The following DIAPH1 variants were observed in gnomAD, a reference collection of about 807,000 sequenced individuals.
DIAPH1 encodes protein diaphanous homolog 1.
DIAPH1 carries 46 observed loss-of-function variants against 140.7 expected under a neutral mutation model. The ratio of observed to expected loss-of-function variants is 0.33; its 90% CI spans 0.26 to 0.42. The LOEUF (loss-of-function observed/expected upper bound fraction) is 0.42, where lower values mean the gene tolerates loss of function less well. Ranked by LOEUF, DIAPH1 falls within the 10% of genes least tolerant of loss-of-function variation. The pLI, the probability that DIAPH1 is intolerant of heterozygous loss-of-function variation, is 1.00. For synonymous variants in DIAPH1, 565 were observed against 551.6 expected (o/e 1.02, Z -0.34); for missense variants, 1,310 against 1,558.7 (o/e 0.84, Z 2.69).
intron 8 of DIAPH1, among the ~76,000 whole-genome samples, chr5:141,579,719 G>A (rs575117274): frequency 2.4e-4 from 37 of 152,232 alleles, no homozygotes; most frequent in African/African-American, 8.9e-4. Flanking sequence ...GGAGGCCGAG[G>A]CGGGCGGATC....
At chr5:141,518,930 T>C (rs1159060693) in intron 27 of DIAPH1, 2 of 1,550,572 alleles carry the variant, frequency 1.3e-6, no homozygotes, top group East Asian at 2.4e-5. Flanking sequence ...ACACGCAGCA[T>C]GCACACAGGT....
chr5:141,553,128 C>T (rs2099891998), intron 18 of DIAPH1, among the ~76,000 whole-genome samples: 4 of 152,016 alleles, frequency 2.6e-5, no homozygotes, highest in Admixed American at 2.6e-4. Context: ...CCTGTCTCTA[C>T]TAAAGATACA....
At chr5:141,601,849 T>C (rs1200504861) in intron 1 of DIAPH1, among the ~76,000 whole-genome samples, 5 of 152,214 alleles carry the variant, frequency 3.3e-5, no homozygotes, top group Non-Finnish European at 2.9e-5. Flanking sequence ...TTGTTACGAA[T>C]AGCTCAGTAA....
intron 24 of DIAPH1, 115 bp from the exon 25 acceptor site, chr5:141,526,576 C>T: frequency 7.7e-7 from 1 of 1,292,782 alleles, no homozygotes; most frequent in Non-Finnish European, 1.1e-6. Flanking sequence ...CAATACAGCA[C>T]TGTTTATAAC....
At chr5:141,611,693 G>C (rs1010199791) in intron 1 of DIAPH1, among the ~76,000 whole-genome samples, 1 of 152,208 alleles carries the variant, frequency 6.6e-6, no homozygotes, top group African/African-American at 2.4e-5. Flanking sequence ...GCAAAATCTT[G>C]AACAGATTCT....
intron 18 of DIAPH1, among the ~76,000 whole-genome samples, chr5:141,570,451 T>C (rs1186510916): frequency 6.6e-6 from 1 of 152,098 alleles, no homozygotes; most frequent in Non-Finnish European, 1.5e-5. Context: ...TTGACCTGAA[T>C]GACAGGGCAA....
chr5:141,574,909 C>T, intron 15 of DIAPH1, 58 bp downstream of exon 15: 3 of 1,599,140 alleles, frequency 1.9e-6, no homozygotes, highest in South Asian at 1.1e-5. Context: ...GACTCCTGTT[C>T]CAAGCCATGT....
chr5:141,579,098 A>G lies in DIAPH1; in HGVS notation c.923T>C (p.Ile308Thr). 2.5e-6 allele frequency: 4 copies of G among 1,613,610 alleles called. No individual in the cohort carries two copies. The highest frequency in any genetic ancestry group is 3.4e-6 in the Non-Finnish European group (4 of 1,179,490). Reference sequence around the variant, plus strand: ...AGGGGATATACATGCCTTCAGTGCAATAGTGGTTCCACTTTTTAATCCATC... The same window carrying G: ...AGGGGATATACATGCCTTCAGTGCAGTAGTGGTTCCACTTTTTAATCCATC... ...LLDGLKSGTTIALKVGCLQLI... is the reference protein window; with the variant it reads ...LLDGLKSGTTTALKVGCLQLI... The change falls in exon 9 of 28, where the codon ATT becomes ACT. Residue 308 changes from isoleucine (I) to threonine (T), a missense_variant. By Grantham distance (89) the Ile-to-Thr change is moderately conservative. Coordinates refer to ENST00000389054, the MANE Select transcript of DIAPH1 (RefSeq NM_005219.5).
At chr5:141,543,793 C>CA (rs2099890370) in intron 18 of DIAPH1, among the ~76,000 whole-genome samples, 1 of 151,924 alleles carries the variant, frequency 6.6e-6, no homozygotes, top group Admixed American at 6.6e-5. Flanking sequence ...TGTACACACA[C>CA]AAAAAATGGG....
chr5:141,522,241 A>T (rs1273846005), intron 27 of DIAPH1, among the ~76,000 whole-genome samples: 1 of 152,218 alleles, frequency 6.6e-6, no homozygotes, highest in Non-Finnish European at 1.5e-5. Flanking sequence ...GAGCCACTTA[A>T]AATATATGTA....
intron 11 of DIAPH1, 86 bp from the exon 12 acceptor site, chr5:141,577,677 GA>G: frequency 1.2e-6 from 1 of 868,936 alleles, no homozygotes; most frequent in Admixed American, 1.7e-5. Context: ...AAAAGCTAGG[GA>G]AAAGTAGCAA....
At chr5:141,555,124 C>G (rs1045466417) in intron 18 of DIAPH1, among the ~76,000 whole-genome samples, 1 of 152,218 alleles carries the variant, frequency 6.6e-6, no homozygotes, top group Admixed American at 6.5e-5. Flanking sequence ...AAGATACACA[C>G]ACACGTCCCC....
At chr5:141,591,198 T>C (rs1460965430) in intron 1 of DIAPH1, among the ~76,000 whole-genome samples, 1 of 152,114 alleles carries the variant, frequency 6.6e-6, no homozygotes, top group Admixed American at 6.6e-5. Context: ...TCAGCCTAGA[T>C]TGTGCTTTCA....
intron 1 of DIAPH1, among the ~76,000 whole-genome samples, chr5:141,617,884 AG>A (rs2099902933): frequency 6.6e-6 from 1 of 152,254 alleles, no homozygotes; most frequent in South Asian, 2.1e-4. Flanking sequence ...ACTCTTCTAC[AG>A]GCACGCAAAG....
chr5:141,558,860 C>G (rs1293684204), intron 18 of DIAPH1, among the ~76,000 whole-genome samples: 2 of 151,660 alleles, frequency 1.3e-5, no homozygotes, highest in Non-Finnish European at 2.9e-5. Context: ...TCCAACGTCC[C>G]TAAAGTGAGA....
chr5:141,525,185 A>T (rs1395762066), intron 26 of DIAPH1, among the ~76,000 whole-genome samples: 1 of 152,172 alleles, frequency 6.6e-6, no homozygotes, highest in Non-Finnish European at 1.5e-5. Flanking sequence ...AGAAAAGTAT[A>T]AAAAGTCCCT....
chr5:141,592,172 G>A (rs1227505360), intron 1 of DIAPH1, among the ~76,000 whole-genome samples: 1 of 151,642 alleles, frequency 6.6e-6, no homozygotes, highest in African/African-American at 2.4e-5. Context: ...CATGATCCAC[G>A]AGGGAAAAAA....
At chr5:141,550,742 T>C (rs2099891561) in intron 18 of DIAPH1, among the ~76,000 whole-genome samples, 1 of 152,190 alleles carries the variant, frequency 6.6e-6, no homozygotes, top group African/African-American at 2.4e-5. Context: ...CCTGAGTAGC[T>C]GGGAATACAG....
At chr5:141,592,957 G>GT in intron 1 of DIAPH1, among the ~76,000 whole-genome samples, 1 of 152,118 alleles carries the variant, frequency 6.6e-6, no homozygotes, top group East Asian at 1.9e-4. Context: ...CAGAAAAGGT[G>GT]TTTTTTAGAA....
Sources: allele counts gnomAD v4.1 joint callset (sites outside exome capture counted in the v4.1 genomes callset), GRCh38; gene constraint gnomAD v4.1.1; transcripts MANE v1.5; gene names NCBI Gene and HGNC (gene_info 2026-07-23, HGNC 2026-07-21).